SUGCT: variants seen among roughly 807,000 people sequenced by gnomAD.
The protein encoded by SUGCT is succinyl-CoA:glutarate-CoA transferase.
A neutral mutation model predicts 55.0 loss-of-function variants in SUGCT; 41 were observed. That is an observed-to-expected ratio of 0.74 (90% CI 0.58 to 0.97). The LOEUF (loss-of-function observed/expected upper bound fraction) is 0.97, where lower values mean the gene tolerates loss of function less well. Among genes scored for constraint, SUGCT ranks in the 50% least tolerant of loss-of-function variants. The pLI, the probability that SUGCT is intolerant of heterozygous loss-of-function variation, is 0.00. For synonymous variants in SUGCT, 187 were observed against 200.4 expected (o/e 0.93, Z 0.56); for missense variants, 568 against 547.8 (o/e 1.04, Z -0.37).
intron 11 of SUGCT, among the ~76,000 whole-genome samples, chr7:40,469,805 T>C (rs1419518930): frequency 1.3e-5 from 2 of 152,264 alleles, no homozygotes; most frequent in South Asian, 4.1e-4. Flanking sequence ...GATATTTATA[T>C]GTTTGTATAC....
At chr7:40,163,856 C>G (rs1172839820) in intron 1 of SUGCT, among the ~76,000 whole-genome samples, 1 of 147,642 alleles carries the variant, frequency 6.8e-6, no homozygotes, top group African/African-American at 2.5e-5. Context: ...GAGTCTAGCT[C>G]TGTCACCCAG....
At chr7:41,007,551 A>G in the SUGCT span, among the ~76,000 whole-genome samples, 1 of 152,186 alleles carries the variant, frequency 6.6e-6, no homozygotes, top group African/African-American at 2.4e-5. Flanking sequence ...CACTTCATCT[A>G]ATTTCTCTGC....
chr7:40,531,885 A>G (rs1051641090), intron 12 of SUGCT, among the ~76,000 whole-genome samples: 6 of 152,204 alleles, frequency 3.9e-5, no homozygotes, highest in African/African-American at 1.4e-4. Flanking sequence ...TGTGTTAGCC[A>G]GGATGATCTC....
chr7:40,431,110 T>A (rs1787872385), intron 9 of SUGCT, among the ~76,000 whole-genome samples: 1 of 134,660 alleles, frequency 7.4e-6, no homozygotes, highest in African/African-American at 2.8e-5. Flanking sequence ...AGAGTGAGAC[T>A]TCGTCTCAAA....
the SUGCT span, among the ~76,000 whole-genome samples, chr7:40,900,840 A>C: frequency 2.1e-4 from 32 of 152,370 alleles, no homozygotes; most frequent in African/African-American, 7.0e-4. Flanking sequence ...TTTCATTTAC[A>C]AAGTGATTAA....
intron 1 of SUGCT, among the ~76,000 whole-genome samples, chr7:40,143,496 C>G (rs759698905): frequency 9.2e-5 from 14 of 152,240 alleles, no homozygotes; most frequent in Non-Finnish European, 1.9e-4. Context: ...CAGCCCATGC[C>G]TGGTTGACTG....
intron 13 of SUGCT, among the ~76,000 whole-genome samples, chr7:40,849,812 C>G (rs1475021877): frequency 5.9e-5 from 9 of 152,080 alleles, no homozygotes; most frequent in Admixed American, 5.9e-4. Context: ...GCACTAGGCC[C>G]TCCTTGTGCT....
At chr7:40,358,790 A>G (rs1051242560) in intron 9 of SUGCT, among the ~76,000 whole-genome samples, 12 of 152,208 alleles carry the variant, frequency 7.9e-5, no homozygotes, top group Non-Finnish European at 1.5e-5. Context: ...TTTTCGACAA[A>G]GAAAGAACTT....
At chr7:40,175,202 C>T in intron 1 of SUGCT, among the ~76,000 whole-genome samples, 1 of 151,744 alleles carries the variant, frequency 6.6e-6, no homozygotes, top group East Asian at 1.9e-4. Context: ...TTCATGGTAT[C>T]TTTCACTGTA....
chr7:40,720,728 A>G (rs1786283636), intron 12 of SUGCT, among the ~76,000 whole-genome samples: 1 of 152,182 alleles, frequency 6.6e-6, no homozygotes, highest in Admixed American at 6.5e-5. Context: ...GCCAGATGCC[A>G]CTCTGTGTCA....
chr7:40,784,756 T>G (rs555496495), intron 13 of SUGCT, among the ~76,000 whole-genome samples: 1 of 152,278 alleles, frequency 6.6e-6, no homozygotes, highest in South Asian at 2.1e-4. Context: ...GAGAAAATAC[T>G]GAAAAAAGAG....
the SUGCT span, among the ~76,000 whole-genome samples, chr7:40,876,570 A>G: frequency 6.6e-6 from 1 of 152,324 alleles, no homozygotes; most frequent in Admixed American, 6.5e-5. Context: ...CTTAGGTGCA[A>G]ATGCCACCCA....
intron 12 of SUGCT, among the ~76,000 whole-genome samples, chr7:40,622,554 T>C (rs1211970419): frequency 7.3e-6 from 1 of 136,796 alleles, no homozygotes; most frequent in Non-Finnish European, 1.6e-5. Flanking sequence ...TTTTTTTTCA[T>C]CTTCTGAAAA....
intron 10 of SUGCT, among the ~76,000 whole-genome samples, chr7:40,450,555 G>T (rs1212533099): frequency 6.6e-6 from 1 of 151,842 alleles, no homozygotes; most frequent in Non-Finnish European, 1.5e-5. Flanking sequence ...TGGGCAGATT[G>T]CCTGAGCTCA....
intron 9 of SUGCT, among the ~76,000 whole-genome samples, chr7:40,420,434 G>C (rs1342375823): frequency 6.6e-6 from 1 of 152,186 alleles, no homozygotes; most frequent in East Asian, 1.9e-4. Context: ...CATCTCCTGG[G>C]TTCAAGTGAT....
At chr7:40,312,547 G>A (rs529026246) in intron 8 of SUGCT, among the ~76,000 whole-genome samples, 2 of 152,268 alleles carry the variant, frequency 1.3e-5, no homozygotes, top group Admixed American at 1.3e-4. Context: ...CTGGGGGGAT[G>A]CATGGGTAGG....
intron 9 of SUGCT, among the ~76,000 whole-genome samples, chr7:40,337,075 A>T (rs532298501): frequency 9.1e-4 from 139 of 152,258 alleles, no homozygotes; most frequent in Non-Finnish European, 1.6e-3. Context: ...GAGTTTCTTA[A>T]TCCTGAGTTC....
chr7:40,210,930 G>A (rs1200746291), intron 6 of SUGCT, among the ~76,000 whole-genome samples: 1 of 152,146 alleles, frequency 6.6e-6, no homozygotes, highest in Non-Finnish European at 1.5e-5. Context: ...TTACGAGGAA[G>A]TTTAAAAGTA....
At chr7:40,786,926 C>G (rs568643183) in intron 13 of SUGCT, among the ~76,000 whole-genome samples, 1 of 152,164 alleles carries the variant, frequency 6.6e-6, no homozygotes, top group Non-Finnish European at 1.5e-5. Flanking sequence ...TATGAATGTA[C>G]CAGTGCACAC....
Sources: gnomAD v4.1 joint callset for allele counts (sites outside exome capture counted in the v4.1 genomes callset) on GRCh38, gnomAD v4.1.1 for gene constraint, MANE v1.5 for transcripts, NCBI Gene and HGNC (gene_info 2026-07-23, HGNC 2026-07-21) for gene names.